The following CNTNAP2 variants were observed in gnomAD, a reference collection of about 807,000 sequenced individuals.
CNTNAP2 encodes contactin-associated protein-like 2.
CNTNAP2 carries 98 observed loss-of-function variants against 155.2 expected under a neutral mutation model. The ratio of observed to expected loss-of-function variants is 0.63; its 90% CI spans 0.54 to 0.75. The LOEUF is 0.75. Among genes scored for constraint, CNTNAP2 ranks in the 30% least tolerant of loss-of-function variants. The pLI, the probability that CNTNAP2 is intolerant of heterozygous loss-of-function variation, is 0.00. For missense variants in CNTNAP2, 1,727 were observed against 1,688.1 expected (o/e 1.02, Z -0.40); for synonymous variants, 651 against 631.2 (o/e 1.03, Z -0.47).
intron 13 of CNTNAP2, among the ~76,000 whole-genome samples, chr7:147,851,160 C>A (rs1287896387): frequency 6.6e-6 from 1 of 152,160 alleles, no homozygotes; most frequent in Non-Finnish European, 1.5e-5. Context: ...AGCCAACAGA[C>A]ACATGAAAAA....
At chr7:147,570,016 C>T (rs1800253685) in intron 12 of CNTNAP2, among the ~76,000 whole-genome samples, 1 of 152,262 alleles carries the variant, frequency 6.6e-6, no homozygotes, top group Non-Finnish European at 1.5e-5. Context: ...CCAGAAGCTG[C>T]TCCCAGCTCC....
At chr7:146,477,624 AACACACAC>A (rs1162610079) in intron 1 of CNTNAP2, among the ~76,000 whole-genome samples, 3,804 of 131,674 alleles carry the variant, frequency 0.029, 87 homozygotes, top group African/African-American at 0.06. Context: ...TTCTTCAGCA[AACACACAC>A]ACACACACAC....
chr7:146,594,852 T>G (rs1369838230), intron 1 of CNTNAP2, among the ~76,000 whole-genome samples: 5 of 152,112 alleles, frequency 3.3e-5, no homozygotes, highest in African/African-American at 1.2e-4. Context: ...TTGTAGTGTT[T>G]GCTGATTTTT....
intron 3 of CNTNAP2, among the ~76,000 whole-genome samples, chr7:146,912,183 C>A (rs1796297549): frequency 6.7e-6 from 1 of 150,166 alleles, no homozygotes; most frequent in African/African-American, 2.5e-5. Context: ...TATTCGTCAG[C>A]ATAAGGATGA....
At chr7:147,682,785 T>C (rs377287509) in intron 13 of CNTNAP2, among the ~76,000 whole-genome samples, 77 of 152,062 alleles carry the variant, frequency 5.1e-4, no homozygotes, top group African/African-American at 1.6e-3. Flanking sequence ...TTCTACATTA[T>C]ACACATAGAG....
At chr7:146,864,183 A>G (rs1795158280) in intron 3 of CNTNAP2, among the ~76,000 whole-genome samples, 2 of 152,086 alleles carry the variant, frequency 1.3e-5, no homozygotes, top group African/African-American at 4.8e-5. Context: ...AGAGATCTAT[A>G]TTTATAATGA....
chr7:147,910,473 G>A (rs1183497755), intron 14 of CNTNAP2, among the ~76,000 whole-genome samples: 1 of 152,108 alleles, frequency 6.6e-6, no homozygotes, highest in Non-Finnish European at 1.5e-5. Context: ...ATTCAAACTC[G>A]GGGCAAGCAA....
At chr7:147,716,229 G>A (rs1422038824) in intron 13 of CNTNAP2, among the ~76,000 whole-genome samples, 1 of 152,104 alleles carries the variant, frequency 6.6e-6, no homozygotes, top group African/African-American at 2.4e-5. Context: ...CCCAAGGTTT[G>A]TTGTCTTATG....
chr7:147,997,602 G>A (rs542744007), intron 15 of CNTNAP2, among the ~76,000 whole-genome samples: 37 of 152,176 alleles, frequency 2.4e-4, no homozygotes, highest in Admixed American at 9.2e-4. Context: ...AGTGAAGCGG[G>A]TGCAGCATAA....
intron 1 of CNTNAP2, among the ~76,000 whole-genome samples, chr7:146,469,305 T>C (rs1796759591): frequency 6.6e-6 from 1 of 151,774 alleles, no homozygotes. Context: ...CAAACTCCAG[T>C]AGCCATCCTG....
At chr7:146,697,428 A>G (rs1428406413) in intron 1 of CNTNAP2, among the ~76,000 whole-genome samples, 1 of 151,924 alleles carries the variant, frequency 6.6e-6, no homozygotes, top group African/African-American at 2.4e-5. Context: ...TGCTAGAGAC[A>G]GGGCTTCATC....
At chr7:147,720,846 A>T (rs940876680) in intron 13 of CNTNAP2, among the ~76,000 whole-genome samples, 1 of 152,080 alleles carries the variant, frequency 6.6e-6, no homozygotes, top group African/African-American at 2.4e-5. Flanking sequence ...TATTTATAGC[A>T]GTATGAAAAA....
intron 17 of CNTNAP2, among the ~76,000 whole-genome samples, chr7:148,158,171 C>T (rs752894864): frequency 1.4e-5 from 2 of 147,346 alleles, no homozygotes; most frequent in Non-Finnish European, 3.0e-5. Context: ...AGCTACCTTT[C>T]AGTCAGAGCA....
chr7:148,059,256 C>G (rs1475242766), intron 15 of CNTNAP2, among the ~76,000 whole-genome samples: 1 of 151,964 alleles, frequency 6.6e-6, no homozygotes, highest in Non-Finnish European at 1.5e-5. Context: ...CCACTGAACT[C>G]CAGCATGGGT....
chr7:147,106,249 T>G (rs1056607328), intron 4 of CNTNAP2, among the ~76,000 whole-genome samples: 1 of 152,136 alleles, frequency 6.6e-6, no homozygotes, highest in African/African-American at 2.4e-5. Flanking sequence ...GAGTTCAGAA[T>G]TTACTGTCAT....
intron 1 of CNTNAP2, among the ~76,000 whole-genome samples, chr7:146,708,588 ATTTTTTTT>A (rs71165029): frequency 1.6e-5 from 1 of 63,956 alleles, no homozygotes; most frequent in African/African-American, 7.8e-5. Flanking sequence ...AAAAAAAGTG[ATTTTTTTT>A]TTTTTTTTTT....
chr7:146,341,153 C>A (rs949509869), intron 1 of CNTNAP2, among the ~76,000 whole-genome samples: 3 of 152,046 alleles, frequency 2.0e-5, no homozygotes, highest in Non-Finnish European at 4.4e-5. Context: ...TTCATTTTAA[C>A]TATCTTATTT....
chr7:147,626,162 G>T (rs1468110739), intron 12 of CNTNAP2, among the ~76,000 whole-genome samples: 2 of 152,000 alleles, frequency 1.3e-5, no homozygotes, highest in Non-Finnish European at 2.9e-5. Flanking sequence ...ATCTTCTCAG[G>T]TGAAGTCCAG....
chr7:147,930,701 C>T (rs190535064), intron 14 of CNTNAP2, among the ~76,000 whole-genome samples: 4 of 152,290 alleles, frequency 2.6e-5, no homozygotes, highest in Non-Finnish European at 4.4e-5. Flanking sequence ...GTGGACCTAA[C>T]GGACATACAC....
Sources: gnomAD v4.1 joint callset for allele counts (sites outside exome capture counted in the v4.1 genomes callset) on GRCh38, gnomAD v4.1.1 for gene constraint, MANE v1.5 for transcripts, NCBI Gene and HGNC (gene_info 2026-07-23, HGNC 2026-07-21) for gene names.